The following CAMKK1 variants were observed in gnomAD, a reference collection of about 807,000 sequenced individuals.
The protein encoded by CAMKK1 is calcium/calmodulin dependent protein kinase kinase 1.
In CAMKK1, 20 loss-of-function variants were observed where a neutral mutation model predicts 63.5. That is an observed-to-expected ratio of 0.32 (90% CI 0.22 to 0.46). CAMKK1 has a LOEUF of 0.46. Among genes scored for constraint, CAMKK1 ranks in the 20% least tolerant of loss-of-function variants. The pLI, the probability that CAMKK1 is intolerant of heterozygous loss-of-function variation, is 1.00. For missense variants in CAMKK1, 588 were observed against 658.1 expected (o/e 0.89, Z 1.17); for synonymous variants, 253 against 269.0 (o/e 0.94, Z 0.58).
intron 9 of CAMKK1, chr17:3,880,055 G>T: frequency 2.4e-6 from 1 of 409,872 alleles, no homozygotes; most frequent in East Asian, 4.3e-5. Context: ...CCGTGGCAAC[G>T]CTAAGCTAGG....
chr17:3,865,296 C>T (rs1284630370), intron 15 of CAMKK1: 10 of 986,886 alleles, frequency 1.0e-5, no homozygotes, highest in Non-Finnish European at 1.1e-5. Flanking sequence ...AGGGAGCCCT[C>T]GGCCAATGCG....
intron 14 of CAMKK1, among the ~76,000 whole-genome samples, 177 bp downstream of exon 14, chr17:3,869,310 T>A (rs2143804985): frequency 6.6e-6 from 1 of 152,298 alleles, no homozygotes; most frequent in Non-Finnish European, 1.5e-5. Flanking sequence ...CCTCCTGGTC[T>A]CCCGACCACA....
At chr17:3,888,913 C>CGCGT (rs71381522) in intron 1 of CAMKK1, among the ~76,000 whole-genome samples, 2 of 150,394 alleles carry the variant, frequency 1.3e-5, no homozygotes, top group African/African-American at 4.9e-5. Context: ...AGGGTGGTGG[C>CGCGT]GTGTGTGTGT....
Position 3,885,386 on chromosome 17 carries a change from G to T in CAMKK1, c.302C>A (p.Pro101His), listed in dbSNP as rs746097746. 2.5e-6 allele frequency: 4 copies of T among 1,611,314 alleles called. No individual in the cohort carries two copies. The highest frequency in any genetic ancestry group is 2.5e-6 in the Non-Finnish European group (3 of 1,178,996). Residue 101 changes from proline to histidine, a missense_variant, in exon 2 of 16, where the codon CCC (proline) becomes CAC (histidine). By Grantham distance (77) the Pro-to-His change is moderately conservative (BLOSUM62 -2). Coordinates refer to ENST00000348335, the MANE Select transcript of CAMKK1 (RefSeq NM_032294.3). ...GATGGTGGGCCTCCGCCAGGCCCGG[G>T]GGGAGATGTGGCTGGCAGGCCCCGT... The part of the protein sequence containing the change: ...YATGPASHIS[P>H]RAWRRPTIES...
intron 1 of CAMKK1, among the ~76,000 whole-genome samples, chr17:3,886,541 A>T (rs1461242088): frequency 6.6e-6 from 1 of 152,154 alleles, no homozygotes; most frequent in African/African-American, 2.4e-5. Context: ...CTGAGGCAGG[A>T]GAATCGTGTG....
At position 3,883,320 on chromosome 17, in the gene CAMKK1, C is replaced by T. The variant is rs539710927; in HGVS notation, c.514+109G>A. On this transcript the variant is annotated intron_variant, in intron 5 of 15. Transcript: ENST00000348335. This position sits in a 1 kb window ranked among gnomAD's most constrained non-coding sequence, Gnocchi z 4.7. The stretch of plus-strand genomic sequence containing the variant: ...CATTCTGTCCCCAGGCCTCTGCTCA[C>T]GCTGTCTCCCTCTCTACCCCATTCC... The T allele has an allele frequency of 9.5e-5, 139 of 1,467,964 alleles. 1 individual carries two copies. The African/African-American group carries it at 1.7e-3, about 18-fold the overall frequency. 90.9% of individuals were successfully genotyped at this position (1,467,964 alleles called of 1,614,324 possible).
In CAMKK1 at chr17:3,890,644, T is replaced by C. The variant is rs1393089665; in HGVS notation, c.-44+2295A>G. 1 of 779,538 alleles carries C rather than the reference T, an allele frequency of 1.3e-6. No homozygotes were observed. 48.3% of individuals were successfully genotyped at this position (779,538 alleles called of 1,614,324 possible). A position where few individuals can be genotyped will look rare whatever the true frequency, so the allele number is the denominator to read the frequency against. The stretch of plus-strand genomic sequence containing the variant: ...GCAATCCGGGAGCCCTCCTTGTCAC[T>C]CGTCCTTTCCCTGTTGCCCACCCTT... On this transcript the variant is annotated intron_variant, in intron 1 of 15. Coordinates refer to ENST00000348335, the MANE Select transcript of CAMKK1 (RefSeq NM_032294.3). The surrounding 1 kb of genome is among the most constrained non-coding windows in gnomAD (Gnocchi z 6.5).
Position 3,882,064 on chromosome 17 carries a change from C to T in CAMKK1, c.686-416G>A, listed in dbSNP as rs2055430759. On this transcript the variant is annotated intron_variant, in intron 7 of 15. Coordinates refer to ENST00000348335, the MANE Select transcript of CAMKK1 (RefSeq NM_032294.3). This position sits in a 1 kb window ranked among gnomAD's most constrained non-coding sequence, Gnocchi z 4.3. ...CCTCTAAGCCCAGCCCTGAACCAGA[C>T]ACAAGGAACTAAAATAATAACATTA... 1 of 555,272 alleles carries T rather than the reference C, an allele frequency of 1.8e-6. No homozygotes were observed. The highest frequency in any genetic ancestry group is 3.2e-6 in the Non-Finnish European group (1 of 316,090). The allele number at this position is 555,272 out of a possible 1,614,324, so 34.4% of individuals were successfully genotyped here. A position where few individuals can be genotyped will look rare whatever the true frequency, so the allele number is the denominator to read the frequency against.
At chr17:3,880,191 T>C in intron 9 of CAMKK1, 155 bp downstream of exon 9, 1 of 644,548 alleles carries the variant, frequency 1.6e-6, no homozygotes, top group East Asian at 2.8e-5. Flanking sequence ...AAAAGGCCTT[T>C]GGCCCCGCCA....
At chr17:3,868,949 G>T (rs950924209) in intron 14 of CAMKK1, among the ~76,000 whole-genome samples, 3 of 150,076 alleles carry the variant, frequency 2.0e-5, no homozygotes, top group Non-Finnish European at 4.4e-5. Context: ...CACCGCGCCC[G>T]GTATTTCTTT....
In CAMKK1 at chr17:3,872,640, G is replaced by T. The variant is rs752289982; in HGVS notation, c.1051-13C>A. On this transcript the variant is annotated splice_polypyrimidine_tract_variant and intron_variant, in intron 11 of 15. Coordinates refer to ENST00000348335, the MANE Select transcript of CAMKK1 (RefSeq NM_032294.3). ...CGATGAATGGGCACTGTGGGGTGGA[G>T]AGGCAGACAAAGGATGTGGGTCCAG... 8 of 1,612,180 alleles carry T rather than the reference G, an allele frequency of 5.0e-6. No homozygotes were observed. The South Asian group carries it at 7.7e-5, about 15-fold the overall frequency.
At chr17:3,886,318 G>C (rs573899007) in intron 1 of CAMKK1, among the ~76,000 whole-genome samples, 1 of 152,168 alleles carries the variant, frequency 6.6e-6, no homozygotes, top group Non-Finnish European at 1.5e-5. Context: ...AGCCAGCCCT[G>C]CCTCATTGAC....
intron 14 of CAMKK1, among the ~76,000 whole-genome samples, chr17:3,868,272 G>T (rs1217702515): frequency 7.4e-6 from 1 of 135,832 alleles, no homozygotes; most frequent in Non-Finnish European, 1.6e-5. Context: ...AGCAGGCGCC[G>T]TCTAACTGAT....
rs1459068038 is a variant in CAMKK1 at position 3,889,364 on chromosome 17, G to T, written c.-44+3575C>A. Among the ~76,000 whole-genome samples, 3 of 152,248 alleles carry T rather than the reference G, an allele frequency of 2.0e-5. No individual in the cohort carries two copies. Among genetic ancestry groups the T allele is most frequent in the Admixed American group, 1.3e-4 (2 of 15,302 alleles). On this transcript the variant is annotated intron_variant, in intron 1 of 15. Transcript: ENST00000348335. The surrounding 1 kb of genome is among the most constrained non-coding windows in gnomAD (Gnocchi z 5.2). The stretch of plus-strand genomic sequence containing the variant: ...CCATGGTACAGCGAAGGATTCCTGT[G>T]GGCATGGGCACTGGCTTAGTCCTGC...
At chr17:3,876,467 C>T (rs1455200081) in intron 9 of CAMKK1, 45 bp from the exon 10 acceptor site, 1 of 1,538,968 alleles carries the variant, frequency 6.5e-7, no homozygotes, top group Non-Finnish European at 9.0e-7. Flanking sequence ...CTGGGCACCG[C>T]TGGCCAGGAC....
In CAMKK1 at chr17:3,884,068, C is replaced by G. The variant is rs72825477; in HGVS notation, c.409-131G>C. The G allele has an allele frequency of 7.7e-6, 7 of 905,918 alleles. No homozygotes were observed. Among genetic ancestry groups the G allele is most frequent in the Non-Finnish European group, 1.2e-5 (7 of 570,522 alleles). 56.1% of individuals were successfully genotyped at this position (905,918 alleles called of 1,614,324 possible). On this transcript the variant is annotated intron_variant, in intron 3 of 15. Transcript: ENST00000348335. The surrounding 1 kb of genome is among the most constrained non-coding windows in gnomAD (Gnocchi z 4.5). ...GCACTACCCACCACCAGCTGGCTCA[C>G]GGGCAAATATTGTAGCAGATGGGGA...
rs1160552888 is a variant in CAMKK1, at chr17:3,890,821, C to T, written c.-44+2118G>A. 1.3e-6 allele frequency: 1 copy of T among 777,948 alleles called. No individual in the cohort carries two copies. 48.2% of individuals were successfully genotyped at this position (777,948 alleles called of 1,614,324 possible). On this transcript the variant is annotated intron_variant, in intron 1 of 15. Transcript: ENST00000348335. This position sits in a 1 kb window ranked among gnomAD's most constrained non-coding sequence, Gnocchi z 6.5. Reference sequence around the variant, plus strand: ...TCTGCTGCCTGGAGGACAGCTCAGACATCGCCTCTTCTGAGCCCTCCTTGA... The same window carrying T: ...TCTGCTGCCTGGAGGACAGCTCAGATATCGCCTCTTCTGAGCCCTCCTTGA...
chr17:3,865,967 C>A lies in CAMKK1; in HGVS notation c.1386G>T (p.Pro462=). ...CTTCCCTCCGTGCTTGGGGCTCAAA[C>A]GGGTTCCCAAAGGAACGCTTCCTCA... ...SMLRKRSFGN[P]FEPQARREER... Residue 462 remains proline, a synonymous_variant, in exon 15 of 16, where the codon CCG becomes CCT. Coordinates refer to ENST00000348335, the MANE Select transcript of CAMKK1 (RefSeq NM_032294.3). 2 of 1,614,204 alleles carry A rather than the reference C, an allele frequency of 1.2e-6. No individual in the cohort carries two copies. The highest frequency in any genetic ancestry group is 1.7e-6 in the Non-Finnish European group (2 of 1,180,032).
chr17:3,878,521 C>A (rs975727785), intron 9 of CAMKK1, among the ~76,000 whole-genome samples: 3 of 152,174 alleles, frequency 2.0e-5, no homozygotes, highest in Non-Finnish European at 4.4e-5. Flanking sequence ...CTGACCGTAC[C>A]GGGGTAAAAT....
Sources: allele counts gnomAD v4.1 joint callset (sites outside exome capture counted in the v4.1 genomes callset), GRCh38; gene constraint gnomAD v4.1.1; non-coding constraint Gnocchi (gnomAD v3.1); transcripts MANE v1.5; gene names NCBI Gene and HGNC (gene_info 2026-07-23, HGNC 2026-07-21).